ANKRD30B: variants seen among roughly 807,000 people sequenced by gnomAD.
The protein encoded by ANKRD30B is ankyrin repeat domain 30B.
A neutral mutation model predicts 202.2 loss-of-function variants in ANKRD30B; 144 were observed. That is an observed-to-expected ratio of 0.71 (90% CI 0.62 to 0.82). ANKRD30B has a LOEUF of 0.82. ANKRD30B is among the 40% of genes least tolerant of loss of function. The pLI is 0.00. For missense variants in ANKRD30B, 1,487 were observed against 1,669.1 expected (o/e 0.89, Z 1.90); for synonymous variants, 508 against 561.3 (o/e 0.91, Z 1.34).
At chr18:14,889,016 A>C in the ANKRD30B span, 9 of 480,400 alleles carry the variant, frequency 1.9e-5, no homozygotes, top group South Asian at 2.3e-4. Context: ...AACTTTTTTT[A>C]ACCCTCAGAT....
At chr18:14,774,984 G>A (rs1237789589) in intron 9 of ANKRD30B, among the ~76,000 whole-genome samples, 4 of 152,146 alleles carry the variant, frequency 2.6e-5, no homozygotes, top group Middle Eastern at 3.4e-3. Context: ...CAAAGTAGAC[G>A]GGCGTGGTGG....
At chr18:14,856,363 C>T (rs552836647), downstream of ANKRD30B, among the ~76,000 whole-genome samples, 2,108 of 129,620 alleles carry the variant, frequency 0.016, 47 homozygotes, top group African/African-American at 0.057. Flanking sequence ...CGGGCAGAGG[C>T]GCTCCTCACC....
chr18:14,751,313 C>A (rs1366857567), intron 1 of ANKRD30B, among the ~76,000 whole-genome samples: 1 of 151,994 alleles, frequency 6.6e-6, no homozygotes, highest in African/African-American at 2.4e-5. Flanking sequence ...TTTATCCATT[C>A]TTTTAATCCA....
At chr18:14,795,485 T>C (rs35300398) in intron 16 of ANKRD30B, among the ~76,000 whole-genome samples, 9,513 of 152,228 alleles carry the variant, frequency 0.062, 1,053 homozygotes, top group African/African-American at 0.22. Context: ...GCATGAGCCA[T>C]GCCACCTGGA....
rs775620690 is a variant in ANKRD30B, at chr18:14,822,531, T to A, written c.2670+20T>A. On this transcript the variant is annotated intron_variant, in intron 31 of 43. Transcript: ENST00000690538. ...CTGAAGGTAATAACTTTTATATTTT[T>A]ATCTTGAATATTAACTACTTATTTT... The A allele has an allele frequency of 4.0e-6, 5 of 1,260,900 alleles. No individual in the cohort carries two copies. Among genetic ancestry groups the A allele is most frequent in the Admixed American group, 1.8e-5 (1 of 56,558 alleles). 78.1% of individuals were successfully genotyped at this position (1,260,900 alleles called of 1,614,324 possible).
the ANKRD30B span, among the ~76,000 whole-genome samples, chr18:14,885,540 A>G: frequency 9.9e-5 from 15 of 152,062 alleles, no homozygotes; most frequent in African/African-American, 3.1e-4. Flanking sequence ...TACCTCTACT[A>G]TTAGAGAAAT....
chr18:14,907,024 G>A, the ANKRD30B span, among the ~76,000 whole-genome samples: 1 of 152,178 alleles, frequency 6.6e-6, no homozygotes, highest in Admixed American at 6.5e-5. Context: ...AAATGTCTCA[G>A]TTAAGATAAG....
At chr18:14,807,200 T>A (rs1969577283) in intron 24 of ANKRD30B, among the ~76,000 whole-genome samples, 1 of 150,988 alleles carries the variant, frequency 6.6e-6, no homozygotes, top group Non-Finnish European at 1.5e-5. Flanking sequence ...TGTGTCTTAC[T>A]GAAAAATAAC....
the ANKRD30B span, chr18:14,883,397 C>G: frequency 3.8e-5 from 2 of 52,396 alleles, no homozygotes; most frequent in East Asian, 1.3e-3. Context: ...CTCTCTCTCT[C>G]TCTATATATA....
At chr18:14,897,160 G>A in the ANKRD30B span, among the ~76,000 whole-genome samples, 12 of 152,086 alleles carry the variant, frequency 7.9e-5, no homozygotes, top group South Asian at 2.1e-4. Flanking sequence ...AGATTCAAAC[G>A]TCGTGTTCAG....
chr18:14,820,075 C>A (rs2144106230), intron 30 of ANKRD30B, among the ~76,000 whole-genome samples: 1 of 152,256 alleles, frequency 6.6e-6, no homozygotes, highest in African/African-American at 2.4e-5. Context: ...AGAGGTCCTT[C>A]ACATCCCTTG....
downstream of ANKRD30B, among the ~76,000 whole-genome samples, chr18:14,858,597 C>T (rs1416429486): frequency 1.8e-5 from 2 of 113,428 alleles, no homozygotes; most frequent in East Asian, 5.0e-4. Context: ...AGGTGCTCCT[C>T]ATTTCCCAGA....
At chr18:14,832,560 A>G (rs1568059079) in intron 34 of ANKRD30B, among the ~76,000 whole-genome samples, 1 of 152,226 alleles carries the variant, frequency 6.6e-6, no homozygotes, top group African/African-American at 2.4e-5. Context: ...TAGAAAACAT[A>G]CTTGTGTGCA....
chr18:14,854,341 G>C lies in ANKRD30B; in HGVS notation c.*183G>C, dbSNP rs1451392188. On this transcript the variant is annotated 3_prime_UTR_variant, in exon 44 of 44. Transcript: ENST00000690538. ...AAAATGATAAAAGTCATATAACAAT[G>C]GTACCCTAAACCACCCACCTCACAG... is the stretch of plus-strand genomic sequence containing the variant. 1.3e-5 allele frequency among the ~76,000 whole-genome samples: 2 copies of C among 152,072 alleles called. No individual in the cohort carries two copies. The highest frequency in any genetic ancestry group is 3.8e-4 in the East Asian group (2 of 5,196).
intron 7 of ANKRD30B, 123 bp downstream of exon 7, chr18:14,764,213 C>A (rs1915730692): frequency 4.0e-6 from 4 of 1,000,234 alleles, no homozygotes; most frequent in African/African-American, 3.3e-5. Context: ...TTAGGCAACA[C>A]TTTTTAATAG....
chr18:14,849,095 C>T (rs1211593805), intron 40 of ANKRD30B, among the ~76,000 whole-genome samples, 166 bp downstream of exon 40: 1 of 151,864 alleles, frequency 6.6e-6, no homozygotes, highest in Admixed American at 6.6e-5. Flanking sequence ...AATGTGAATA[C>T]TTCCACTGAT....
At chr18:14,867,291 C>T in the ANKRD30B span, among the ~76,000 whole-genome samples, 1 of 113,312 alleles carries the variant, frequency 8.8e-6, no homozygotes, top group African/African-American at 3.4e-5. Flanking sequence ...TGGGCACAAT[C>T]TGGGGGCTAA....
the ANKRD30B span, among the ~76,000 whole-genome samples, chr18:14,926,348 C>T: frequency 2.6e-5 from 4 of 152,226 alleles, no homozygotes; most frequent in Admixed American, 2.6e-4. Flanking sequence ...AGAAGCAGGT[C>T]ATCTCCTCCC....
the ANKRD30B span, among the ~76,000 whole-genome samples, chr18:14,862,737 C>G: frequency 6.6e-6 from 1 of 152,222 alleles, no homozygotes; most frequent in African/African-American, 2.4e-5. Context: ...ACCACAGGCA[C>G]TCAACTCTGA....
Sources: allele counts gnomAD v4.1 joint callset (sites outside exome capture counted in the v4.1 genomes callset), GRCh38; gene constraint gnomAD v4.1.1; transcripts MANE v1.5; gene names NCBI Gene and HGNC (gene_info 2026-07-23, HGNC 2026-07-21).